The following CRADD variants were observed in gnomAD, a reference collection of about 807,000 sequenced individuals.
CRADD encodes the protein death domain-containing protein CRADD.
CRADD carries 9 observed loss-of-function variants against 15.5 expected under a neutral mutation model. The observed-to-expected ratio is 0.58, with a 90% CI of 0.35 to 1.01. CRADD has a LOEUF of 1.01. Among genes scored for constraint, CRADD ranks in the 50% least tolerant of loss-of-function variants. The probability of loss-of-function intolerance (pLI) is 0.02; values close to 1 mark genes in which losing one functional copy is unlikely to be tolerated. For synonymous variants in CRADD, 118 were observed against 107.6 expected, an observed-to-expected ratio of 1.10 and a Z score of -0.60; for missense variants, 227 against 250.3, an observed-to-expected ratio of 0.91 and a Z score of 0.63.
intron 2 of CRADD, among the ~76,000 whole-genome samples, chr12:93,742,479 C>G (rs973381410): frequency 3.3e-5 from 5 of 151,016 alleles, no homozygotes; most frequent in Admixed American, 6.6e-5. Context: ...CAGCCCAGCG[C>G]GGGGAGGCGG....
chr12:93,863,092 T>A (rs1958330396), intron 2 of CRADD, among the ~76,000 whole-genome samples: 1 of 152,220 alleles, frequency 6.6e-6, no homozygotes. Flanking sequence ...TTTTATTATA[T>A]GACTTGTATC....
At chr12:93,694,672 C>A (rs960682902) in intron 2 of CRADD, among the ~76,000 whole-genome samples, 1 of 152,058 alleles carries the variant, frequency 6.6e-6, no homozygotes, top group East Asian at 1.9e-4. Flanking sequence ...ACACAAACAG[C>A]AAACTATTTG....
At chr12:93,714,144 T>G (rs892056760) in intron 2 of CRADD, among the ~76,000 whole-genome samples, 1 of 152,248 alleles carries the variant, frequency 6.6e-6, no homozygotes, top group African/African-American at 2.4e-5. Context: ...AAAGAAAATA[T>G]AGGCTCCTTC....
chr12:93,856,413 C>T (rs1958275443), intron 2 of CRADD, among the ~76,000 whole-genome samples: 1 of 152,218 alleles, frequency 6.6e-6, no homozygotes, highest in Admixed American at 6.5e-5. Flanking sequence ...AGTCTCTGCT[C>T]TCAGGATCTC....
chr12:93,892,493 A>G (rs1483042764), intron 2 of CRADD, among the ~76,000 whole-genome samples: 11 of 152,032 alleles, frequency 7.2e-5, no homozygotes, highest in Admixed American at 7.2e-4. Flanking sequence ...GTTTTACCAC[A>G]GTGCCGAGTC....
At chr12:93,714,640 G>A (rs1956130291) in intron 2 of CRADD, 1 of 152,236 alleles carries the variant, frequency 6.6e-6, no homozygotes, top group African/African-American at 2.4e-5. Flanking sequence ...CAGAGCGAGT[G>A]TCTCTGCTAT....
intron 2 of CRADD, among the ~76,000 whole-genome samples, chr12:93,795,859 G>A (rs1018940387): frequency 1.3e-5 from 2 of 152,154 alleles, no homozygotes; most frequent in African/African-American, 2.4e-5. Context: ...GCTAGAACAA[G>A]GGCAAGGATA....
rs758970343 is a variant in CRADD, at chr12:93,794,145, A to G, written c.299-55825A>G. Among the ~76,000 whole-genome samples the G allele has an allele frequency of 1.7e-4, 26 of 152,078 alleles. No homozygotes were observed. The South Asian group carries it at 2.7e-3, about 16-fold the overall frequency. ...GGCTCATGTGCACCCACATGTTCTC[A>G]TTTCTTCTGCATCTTGCTGGTTTCC... On this transcript the variant is annotated intron_variant, in intron 2 of 2. Coordinates refer to ENST00000332896, the MANE Select transcript of CRADD (RefSeq NM_003805.5).
At chr12:93,875,595 C>T (rs558890516) in intron 2 of CRADD, among the ~76,000 whole-genome samples, 7 of 151,686 alleles carry the variant, frequency 4.6e-5, no homozygotes, top group Non-Finnish European at 8.8e-5. Context: ...TTGAGGTTAC[C>T]ACAAAGCTTG....
At position 93,850,295 on chromosome 12, in the gene CRADD, G is replaced by T; in HGVS notation, c.*24G>T. 6.4e-7 allele frequency: 1 copy of T among 1,572,018 alleles called. No homozygotes were observed. The highest frequency in any genetic ancestry group is 2.3e-5 in the East Asian group (1 of 44,130). Reference sequence around the variant, plus strand: ...GATGGTGCCTCCAGCAACCGCTGGGGAGTGTGTCCCTGAGTCATGTGGGCT... The same window carrying T: ...GATGGTGCCTCCAGCAACCGCTGGGTAGTGTGTCCCTGAGTCATGTGGGCT... On this transcript the variant is annotated 3_prime_UTR_variant, in exon 3 of 3. Transcript: ENST00000332896. The surrounding 1 kb of genome is among the most constrained non-coding windows in gnomAD (Gnocchi z 4.0).
chr12:93,811,168 G>A (rs1565923136), intron 2 of CRADD, among the ~76,000 whole-genome samples: 1 of 152,176 alleles, frequency 6.6e-6, no homozygotes, highest in African/African-American at 2.4e-5. Context: ...GTGGTTTCAT[G>A]GCATGATAAT....
intron 2 of CRADD, among the ~76,000 whole-genome samples, chr12:93,844,850 C>T (rs1044287259): frequency 2.4e-4 from 36 of 152,258 alleles, no homozygotes; most frequent in Admixed American, 6.5e-4. Flanking sequence ...TGCACCCCAC[C>T]GTAGCCCCTC....
At chr12:93,763,862 G>C (rs1956997013) in intron 2 of CRADD, among the ~76,000 whole-genome samples, 3 of 152,172 alleles carry the variant, frequency 2.0e-5, no homozygotes, top group African/African-American at 7.2e-5. Context: ...TGATCCACTG[G>C]CTCTGAAACC....
chr12:93,831,856 A>G (rs938751047), intron 2 of CRADD, among the ~76,000 whole-genome samples: 6 of 152,186 alleles, frequency 3.9e-5, no homozygotes, highest in Non-Finnish European at 8.8e-5. Flanking sequence ...TGTTTGATTG[A>G]TGTGGATTCT....
At chr12:93,866,603 C>T (rs1209964323) in intron 2 of CRADD, among the ~76,000 whole-genome samples, 1 of 152,142 alleles carries the variant, frequency 6.6e-6, no homozygotes, top group Non-Finnish European at 1.5e-5. Context: ...AAAAGGTGAT[C>T]ATTGGCTGTT....
intron 2 of CRADD, among the ~76,000 whole-genome samples, chr12:93,758,237 G>A (rs1232162618): frequency 2.0e-5 from 3 of 152,168 alleles, no homozygotes; most frequent in African/African-American, 7.2e-5. Flanking sequence ...TGAGATTAGA[G>A]TTTAGAATCT....
At chr12:93,820,351 C>G (rs1337271674) in intron 2 of CRADD, among the ~76,000 whole-genome samples, 1 of 151,932 alleles carries the variant, frequency 6.6e-6, no homozygotes, top group East Asian at 1.9e-4. Context: ...ACCATCCTGG[C>G]TAACACGGTG....
At chr12:93,789,531 T>TA (rs948469312) in intron 2 of CRADD, among the ~76,000 whole-genome samples, 1 of 152,174 alleles carries the variant, frequency 6.6e-6, no homozygotes, top group African/African-American at 2.4e-5. Context: ...AAACATTTTC[T>TA]AAAAAATCAT....
intron 2 of CRADD, among the ~76,000 whole-genome samples, chr12:93,680,897 T>A (rs1955273996): frequency 6.6e-6 from 1 of 152,214 alleles, no homozygotes; most frequent in African/African-American, 2.4e-5. Flanking sequence ...CATTTTTTTT[T>A]TTTTGAGACG....
Sources: allele counts gnomAD v4.1 joint callset (sites outside exome capture counted in the v4.1 genomes callset), GRCh38; gene constraint gnomAD v4.1.1; non-coding constraint Gnocchi (gnomAD v3.1); transcripts MANE v1.5; gene names NCBI Gene and HGNC (gene_info 2026-07-23, HGNC 2026-07-21).